Variants in OTOGL observed in about 807,000 individuals in gnomAD.
The protein encoded by OTOGL is otogelin like.
A neutral mutation model predicts 318.5 loss-of-function variants in OTOGL; 285 were observed. That is an observed-to-expected ratio of 0.89 (90% CI 0.81 to 0.99). OTOGL has a LOEUF of 0.99. OTOGL is among the 50% of genes least tolerant of loss of function. The pLI is 0.00. For missense variants in OTOGL, 2,899 were observed against 2,845.6 expected, an observed-to-expected ratio of 1.02 and a Z score of -0.43; for synonymous variants, 987 against 936.5, an observed-to-expected ratio of 1.05 and a Z score of -0.99.
intron 57 of OTOGL, among the ~76,000 whole-genome samples, chr12:80,373,421 A>G (rs1891000520): frequency 6.6e-6 from 1 of 151,716 alleles, no homozygotes; most frequent in African/African-American, 2.4e-5. Context: ...ACAGAGCTAG[A>G]CTCTGTCTCC....
intron 9 of OTOGL, among the ~76,000 whole-genome samples, chr12:80,234,242 G>A (rs1879640023): frequency 6.6e-6 from 1 of 152,116 alleles, no homozygotes; most frequent in African/African-American, 2.4e-5. Flanking sequence ...ATTTTATGAT[G>A]AGAGCACAAG....
Position 80,296,946 on chromosome 12 carries a change from T to C in OTOGL, c.3048T>C (p.Asp1016=), listed in dbSNP as rs1283717387. 6 of 1,551,760 alleles carry C rather than the reference T, an allele frequency of 3.9e-6. No individual in the cohort carries two copies. Among genetic ancestry groups the C allele is most frequent in the South Asian group, 1.2e-5 (1 of 84,850 alleles). Residue 1016 remains aspartate, a synonymous_variant, in exon 27 of 59, where the codon GAT becomes GAC. Transcript: ENST00000547103. The part of the protein sequence containing the change: ...SVGDTEIYLN[D]TPYKQKQSGF... ...GGGACACTGAAATTTACCTGAATGA[T>C]ACTCCTTACAAACAGGTTAGTGAAT... is the stretch of plus-strand genomic sequence containing the variant.
Position 80,343,098 on chromosome 12 carries a change from TCTC to T in OTOGL, c.5265+939_5265+941del, listed in dbSNP as rs1245040386. Among the ~76,000 whole-genome samples, 3 of 152,044 alleles carry T rather than the reference TCTC, an allele frequency of 2.0e-5. No homozygotes were observed. The East Asian group carries it at 5.8e-4, about 29-fold the overall frequency. On this transcript the variant is annotated intron_variant, in intron 44 of 58. Transcript: ENST00000547103. ...ACCGTGTTAGCCAGGATGGTCTCGA[TCTC>T]CTGACCTCGTGATCACCCACCTCAG...
chr12:80,356,323 T>C, intron 47 of OTOGL, 93 bp from the exon 48 acceptor site: 1 of 933,420 alleles, frequency 1.1e-6, no homozygotes, highest in South Asian at 1.7e-5. Context: ...CGTCTTTGAG[T>C]TTCCTGTCTT....
intron 1 of OTOGL, among the ~76,000 whole-genome samples, chr12:80,108,859 T>C (rs572822435): frequency 1.4e-5 from 2 of 142,982 alleles, no homozygotes; most frequent in Non-Finnish European, 3.0e-5. Context: ...TATATATATG[T>C]GTATATATAT....
intron 1 of OTOGL, among the ~76,000 whole-genome samples, chr12:80,205,589 C>G (rs1322111605): frequency 6.6e-6 from 1 of 152,136 alleles, no homozygotes; most frequent in Non-Finnish European, 1.5e-5. Context: ...TGTAATAAGA[C>G]AGTTACATTC....
chr12:80,108,862 ATATATATGTG>A lies in OTOGL; in HGVS notation c.-20+9275_-20+9284del, dbSNP rs1453715686. Among the ~76,000 whole-genome samples the A allele has an allele frequency of 2.0e-3, 231 of 117,856 alleles. 2 individuals are homozygous for A. Among genetic ancestry groups the A allele is most frequent in the African/African-American group, 7.1e-3 (212 of 30,052 alleles). The allele number at this position is 117,856 out of a possible 152,430, so 77.3% of individuals were successfully genotyped here. On this transcript the variant is annotated intron_variant, in intron 1 of 58. Transcript: ENST00000547103. ...TATATATATGTGTATATATATGTGT[ATATATATGTG>A]TATATATGTGTATATATATGTGTAT... is the stretch of plus-strand genomic sequence containing the variant.
chr12:80,271,772 A>C lies in OTOGL; in HGVS notation c.2643A>C (p.Pro881=), dbSNP rs374682836. ...ANLAMNFTCT[P]SSPCISGCVC... Reference sequence around the variant, plus strand: ...TAGCCATGAACTTCACCTGCACCCCATCCTCACCCTGTATAAGTGGCTGTG... The same window carrying C: ...TAGCCATGAACTTCACCTGCACCCCCTCCTCACCCTGTATAAGTGGCTGTG... The change falls in exon 24 of 59, where the codon CCA becomes CCC. Residue 881 remains proline (P), a synonymous_variant. Transcript: ENST00000547103. The C allele has an allele frequency of 6.2e-7, 1 of 1,613,010 alleles. No individual in the cohort carries two copies. The highest frequency in any genetic ancestry group is 1.3e-5 in the African/African-American group (1 of 74,860).
rs73150360 is a variant in OTOGL at position 80,216,170 on chromosome 12, G to A, written c.169-1428G>A. ...TCTCTTAAAAAAAATGATATAGCAC[G>A]GGTAGATTTTCCTGTTGAAGTAAAA... On this transcript the variant is annotated intron_variant, in intron 4 of 58. Transcript: ENST00000547103. Among the ~76,000 whole-genome samples the A allele has an allele frequency of 5.8e-3, 878 of 152,180 alleles. 6 individuals are homozygous for A. Among genetic ancestry groups the A allele is most frequent in the Middle Eastern group, 0.02 (6 of 294 alleles).
rs536538111 is a variant in OTOGL at position 80,336,990 on chromosome 12, C to T, written c.4846C>T (p.Arg1616Trp). The change falls in exon 42 of 59, where the codon CGG becomes TGG. Residue 1616 changes from arginine (R) to tryptophan (W), a missense_variant. Physicochemically the swap from Arg to Trp is moderately radical, Grantham distance 101. Around this residue, in one of 3 missense-constraint regions of OTOGL, gnomAD observed 2,607 missense variants for 2,524.9 expected, o/e 1.03. Coordinates refer to ENST00000547103, the MANE Select transcript of OTOGL (RefSeq NM_001378609.3). ...ACCCATACATAAAATAATTGTCAATCGGTTGGCAAGAAAGGTAAGAATACA... is the reference window on the plus strand; with the variant it reads ...ACCCATACATAAAATAATTGTCAATTGGTTGGCAAGAAAGGTAAGAATACA... ...TTPIHKIIVNRLARKVEVDSI... is the reference protein window; with the variant it reads ...TTPIHKIIVNWLARKVEVDSI... The T allele has an allele frequency of 1.1e-5, 17 of 1,580,034 alleles. No individual in the cohort carries two copies. Among genetic ancestry groups the T allele is most frequent in the South Asian group, 4.6e-5 (4 of 86,124 alleles).
At chr12:80,314,203 C>T in intron 31 of OTOGL, 102 bp from the exon 32 acceptor site, 1 of 355,850 alleles carries the variant, frequency 2.8e-6, no homozygotes, top group East Asian at 4.6e-5. Context: ...ATTTTATATT[C>T]TTTCACATAG....
At chr12:80,368,345 T>C in intron 55 of OTOGL, 36 bp downstream of exon 55, 1 of 1,495,206 alleles carries the variant, frequency 6.7e-7, no homozygotes, top group Non-Finnish European at 9.1e-7. Flanking sequence ...TGTGCTATTT[T>C]CTGAAGGAGG....
At chr12:80,127,380 T>G (rs1592474121) in intron 1 of OTOGL, among the ~76,000 whole-genome samples, 2 of 152,312 alleles carry the variant, frequency 1.3e-5, no homozygotes, top group Admixed American at 1.3e-4. Flanking sequence ...CCCACTCTCT[T>G]CTGTCTTGTA....
chr12:80,274,001 T>G (rs1373393545), intron 24 of OTOGL, among the ~76,000 whole-genome samples: 1 of 152,072 alleles, frequency 6.6e-6, no homozygotes, highest in African/African-American at 2.4e-5. Flanking sequence ...TCTCCATGTA[T>G]AGGCCATTCC....
At chr12:80,290,253 G>C (rs1884951075) in intron 26 of OTOGL, among the ~76,000 whole-genome samples, 1 of 151,760 alleles carries the variant, frequency 6.6e-6, no homozygotes, top group Non-Finnish European at 1.5e-5. Flanking sequence ...GAGATGAACT[G>C]GGTAACTCAG....
chr12:80,217,770 T>C (rs1184575090), intron 5 of OTOGL, 106 bp downstream of exon 5: 5 of 772,714 alleles, frequency 6.5e-6, no homozygotes, highest in African/African-American at 1.8e-5. Context: ...TGAAGGAAAG[T>C]GAGCCAGGAT....
At position 80,257,826 on chromosome 12, in the gene OTOGL, T is replaced by C; in HGVS notation, c.1713T>C (p.Gly571=). 1 of 1,570,350 alleles carries C rather than the reference T, an allele frequency of 6.4e-7. No homozygotes were observed. The highest frequency in any genetic ancestry group is 1.4e-5 in the African/African-American group (1 of 73,704). The change falls in exon 18 of 59, where the codon GGT becomes GGC. Residue 571 remains glycine (G), a splice_region_variant and synonymous_variant. Transcript: ENST00000547103. Reference sequence around the variant, plus strand: ...TTTACGTATGTTCTTTTCCTGCAGGTATTGTTGAAATTCAAACTCTGTCAT... The same window carrying C: ...TTTACGTATGTTCTTTTCCTGCAGGCATTGTTGAAATTCAAACTCTGTCAT... The part of the protein sequence containing the change: ...TSPNQGFNLN[G]IVEIQTLSSL...
At chr12:80,208,090 A>G in intron 1 of OTOGL, 1 of 450,928 alleles carries the variant, frequency 2.2e-6, no homozygotes, top group South Asian at 1.6e-5. Context: ...GAGGGGGGAC[A>G]GTCACATAAC....
chr12:80,236,253 G>A (rs991820792), intron 9 of OTOGL, among the ~76,000 whole-genome samples: 1 of 152,082 alleles, frequency 6.6e-6, no homozygotes, highest in Admixed American at 6.5e-5. Context: ...AGAAGTCCTG[G>A]TCTACTTTCA....
Sources: gnomAD v4.1 joint callset for allele counts (sites outside exome capture counted in the v4.1 genomes callset) on GRCh38, gnomAD v4.1.1 for gene constraint, gnomAD v4.1.1 regional missense constraint, MANE v1.5 for transcripts, NCBI Gene and HGNC (gene_info 2026-07-23, HGNC 2026-07-21) for gene names.